The following CYP51A1 variants were observed in gnomAD, a reference collection of about 807,000 sequenced individuals.
CYP51A1 encodes cytochrome P450 family 51 subfamily A member 1, also known as lanosterol 14-alpha demethylase.
CYP51A1 carries 45 observed loss-of-function variants against 53.5 expected under a neutral mutation model. The ratio of observed to expected loss-of-function variants is 0.84; its 90% CI spans 0.66 to 1.08. The LOEUF (loss-of-function observed/expected upper bound fraction) is 1.08. Among genes scored for constraint, CYP51A1 ranks in the 50% least tolerant of loss-of-function variants. The probability of loss-of-function intolerance (pLI) is 0.00; values close to 1 mark genes in which losing one functional copy is unlikely to be tolerated. For missense variants in CYP51A1, 462 were observed against 621.7 expected, an observed-to-expected ratio of 0.74 and a Z score of 2.73; for synonymous variants, 181 against 217.7, an observed-to-expected ratio of 0.83 and a Z score of 1.48.
rs780433685 is a variant in CYP51A1, at chr7:92,117,125, G to A, written c.1270C>T (p.Arg424Cys). 1.8e-5 allele frequency: 29 copies of A among 1,613,920 alleles called. 1 individual carries two copies. Among genetic ancestry groups the A allele is most frequent in the South Asian group, 1.2e-4 (11 of 91,090 alleles). Residue 424 changes from arginine (R) to cysteine (C), a missense_variant, in exon 9 of 10, where the codon CGC (arginine) becomes TGC (cysteine). Arg to Cys is a radical substitution (Grantham distance 180, BLOSUM62 -3). Transcript: ENST00000003100. ...NQRLKDSWVERLDFNPDRYLQ... is the reference protein window; with the variant it reads ...NQRLKDSWVECLDFNPDRYLQ... ...TAGCGATCAGGATTAAAGTCCAGGC[G>A]TTCTACCCATGAGTCTTTAAGTCTT... is the stretch of plus-strand genomic sequence containing the variant.
intron 1 of CYP51A1, 91 bp downstream of exon 1, chr7:92,134,082 G>A: frequency 7.8e-7 from 1 of 1,285,910 alleles, no homozygotes; most frequent in Non-Finnish European, 1.1e-6. Context: ...CATCCACTGA[G>A]CCGGTCGGGG....
intron 2 of CYP51A1, among the ~76,000 whole-genome samples, chr7:92,130,164 G>T (rs1361373927): frequency 2.6e-5 from 4 of 152,190 alleles, no homozygotes; most frequent in Admixed American, 6.5e-5. Flanking sequence ...AATCAAAGTG[G>T]TAGAACGCAG....
intron 7 of CYP51A1, 58 bp from the exon 8 acceptor site, chr7:92,118,673 A>C (rs1021803968): frequency 6.5e-5 from 66 of 1,016,904 alleles, no homozygotes; most frequent in Non-Finnish European, 9.7e-5. Context: ...CAGTACAAAA[A>C]ATTAGTTTAA....
Position 92,113,619 on chromosome 7 carries a change from G to T in CYP51A1, c.*46C>A. On this transcript the variant is annotated 3_prime_UTR_variant, in exon 10 of 10. Transcript: ENST00000003100. ...CACTTCATTCTCTTCGAATGCCTTT[G>T]TGGCTTACAGTGATAATCACATATA... The T allele has an allele frequency of 1.3e-6, 2 of 1,551,922 alleles. No individual in the cohort carries two copies. Among genetic ancestry groups the T allele is most frequent in the Non-Finnish European group, 1.8e-6 (2 of 1,133,542 alleles).
At chr7:92,113,969 T>C in intron 9 of CYP51A1, 126 bp from the exon 10 acceptor site, 1 of 598,576 alleles carries the variant, frequency 1.7e-6, no homozygotes, top group Admixed American at 3.6e-5. Flanking sequence ...AAGATGACAT[T>C]CTTTTCACAT....
At position 92,126,378 on chromosome 7, in the gene CYP51A1, A is replaced by G. The variant is rs1033397139; in HGVS notation, c.645T>C (p.Cys215=). The G allele has an allele frequency of 2.5e-6, 4 of 1,613,888 alleles. No individual in the cohort carries two copies. Among genetic ancestry groups the G allele is most frequent in the Non-Finnish European group, 3.4e-6 (4 of 1,179,880 alleles). Residue 215 remains cysteine, a synonymous_variant, in exon 5 of 10, where the codon TGT becomes TGC. Transcript: ENST00000003100. ...GACTTCTGATTTCCTTTCCATGCAA[A>G]CAATGGCTAGCTGTTAAAATTATGA... ...SELIILTASH[C]LHGKEIRSQL... is the part of the protein sequence containing the mutation.
chr7:92,130,477 T>C (rs1472763048), intron 2 of CYP51A1, among the ~76,000 whole-genome samples: 1 of 152,104 alleles, frequency 6.6e-6, no homozygotes, highest in East Asian at 1.9e-4. Flanking sequence ...TAGCAGTGAG[T>C]CCAAGAAGAA....
At position 92,112,305 on chromosome 7, in the gene CYP51A1, A is replaced by AT. The variant is rs1336216614; in HGVS notation, c.*1359dup. 6.6e-6 allele frequency: 1 copy of AT among 152,132 alleles called. No homozygotes were observed. The highest frequency in any genetic ancestry group is 6.5e-5 in the Admixed American group (1 of 15,278). The allele number at this position is 152,132 out of a possible 1,614,324, so 9.4% of individuals were successfully genotyped here. On this transcript the variant is annotated 3_prime_UTR_variant, in exon 10 of 10. Coordinates refer to ENST00000003100, the MANE Select transcript of CYP51A1 (RefSeq NM_000786.4). ...ACCTAGTGAAAACAGACGATGTGGT[A>AT]TTTTTTCAGCCATCTCATATAGTTA...
chr7:92,114,153 GA>G (rs909892532), intron 9 of CYP51A1, among the ~76,000 whole-genome samples: 59 of 152,064 alleles, frequency 3.9e-4, no homozygotes, highest in African/African-American at 1.4e-3. Flanking sequence ...GAATATAGTA[GA>G]ATATTCTGTT....
At chr7:92,132,799 G>T (rs968380017) in intron 1 of CYP51A1, among the ~76,000 whole-genome samples, 18 of 152,132 alleles carry the variant, frequency 1.2e-4, no homozygotes, top group Non-Finnish European at 2.6e-4. Flanking sequence ...AAGAACTCTA[G>T]CATTCTTCAT....
intron 2 of CYP51A1, among the ~76,000 whole-genome samples, chr7:92,129,894 AAAGGCCCTAAAAGT>A (rs1819883240): frequency 6.6e-6 from 1 of 152,150 alleles, no homozygotes; most frequent in African/African-American, 2.4e-5. Context: ...AAACATACAC[AAAGGCCCTAAAAGT>A]AAGAGAAAGA....
chr7:92,113,710 G>A lies in CYP51A1; in HGVS notation c.1485C>T (p.His495=). The change falls in exon 10 of 10, where the codon CAC becomes CAT. Residue 495 remains histidine, a synonymous_variant. Transcript: ENST00000003100. ...AACGGATAACTGGGTTTTCAGGGGT[G>A]TGAATCATAGTTGTATAATTCACAG... The part of the protein sequence containing the change: ...FPTVNYTTMI[H]TPENPVIRYK... 1.2e-6 allele frequency: 2 copies of A among 1,612,064 alleles called. No individual in the cohort carries two copies. The highest frequency in any genetic ancestry group is 1.7e-6 in the Non-Finnish European group (2 of 1,179,564).
intron 5 of CYP51A1, 81 bp from the exon 6 acceptor site, chr7:92,123,934 G>C (rs895421322): frequency 2.0e-5 from 24 of 1,209,044 alleles, no homozygotes; most frequent in Non-Finnish European, 2.4e-5. Context: ...AACCAGGACC[G>C]AGCATAAAGC....
chr7:92,130,969 A>G (rs941358986), intron 2 of CYP51A1, among the ~76,000 whole-genome samples: 2 of 152,228 alleles, frequency 1.3e-5, no homozygotes, highest in Non-Finnish European at 2.9e-5. Flanking sequence ...GAAGGAGACA[A>G]TAACTGGCTG....
Position 92,112,873 on chromosome 7 carries a change from A to G in CYP51A1, c.*792T>C, listed in dbSNP as rs11459. On this transcript the variant is annotated 3_prime_UTR_variant, in exon 10 of 10. Transcript: ENST00000003100. ...GGAAGCAGGGAACAACTGAGCCAAA[A>G]CAAAATTATCCCCTAAGGACTTGAC... 0.4 allele frequency: 59,936 copies of G among 151,222 alleles called. 12,195 individuals are homozygous for G. The highest frequency in any genetic ancestry group is 0.46 in the African/African-American group (18,825 of 41,132). 9.4% of individuals were successfully genotyped at this position (151,222 alleles called of 1,614,324 possible). A position where few individuals can be genotyped will look rare whatever the true frequency, so the allele number is the denominator to read the frequency against.
At chr7:92,128,814 T>C in intron 3 of CYP51A1, 66 bp downstream of exon 3, 1 of 1,332,416 alleles carries the variant, frequency 7.5e-7, no homozygotes, top group South Asian at 1.4e-5. Flanking sequence ...ATGTATAATG[T>C]CTCACTATTA....
chr7:92,129,951 G>A (rs1819884545), intron 2 of CYP51A1, among the ~76,000 whole-genome samples: 1 of 152,126 alleles, frequency 6.6e-6, no homozygotes, highest in South Asian at 2.1e-4. Context: ...GCATTAGGCA[G>A]TGCTAGACCA....
chr7:92,121,281 C>CAA lies in CYP51A1; in HGVS notation c.1086+1837_1086+1838dup, dbSNP rs111668177. Among the ~76,000 whole-genome samples, 6 of 115,774 alleles carry CAA rather than the reference C, an allele frequency of 5.2e-5. No homozygotes were observed. In the East Asian group the frequency reaches 1.0e-3, roughly 19 times the overall value. The allele number at this position is 115,774 out of a possible 152,430, so 76.0% of individuals were successfully genotyped here. ...TGGGCATCACACCAAGACTCTGTCTCAAAAAAAAAAAAAAAAGTATCACTT... is the reference window on the plus strand; with the variant it reads ...TGGGCATCACACCAAGACTCTGTCTCAAAAAAAAAAAAAAAAAAGTATCACTT... On this transcript the variant is annotated intron_variant, in intron 7 of 9. Transcript: ENST00000003100.
At chr7:92,119,953 T>C (rs537655229) in intron 7 of CYP51A1, among the ~76,000 whole-genome samples, 1 of 152,086 alleles carries the variant, frequency 6.6e-6, no homozygotes, top group Admixed American at 6.6e-5. Flanking sequence ...CTGAGAAGTA[T>C]GAGAACTGAA....
Sources: gnomAD v4.1 joint callset for allele counts (sites outside exome capture counted in the v4.1 genomes callset) on GRCh38, gnomAD v4.1.1 for gene constraint, MANE v1.5 for transcripts, NCBI Gene and HGNC (gene_info 2026-07-23, HGNC 2026-07-21) for gene names.